The following MYO3B variants were observed in gnomAD, a reference collection of about 807,000 sequenced individuals.
MYO3B encodes the protein myosin-IIIb.
MYO3B carries 156 observed loss-of-function variants against 174.6 expected under a neutral mutation model. The ratio of observed to expected loss-of-function variants is 0.89; its 90% CI spans 0.78 to 1.02. The LOEUF (loss-of-function observed/expected upper bound fraction) is 1.02, where lower values mean the gene tolerates loss of function less well. MYO3B is among the 50% of genes least tolerant of loss of function. The pLI is 0.00. For missense variants in MYO3B, 1,632 were observed against 1,639.4 expected, an observed-to-expected ratio of 1.00 and a Z score of 0.08; for synonymous variants, 563 against 569.1, an observed-to-expected ratio of 0.99 and a Z score of 0.15.
chr2:170,231,882 C>G (rs7597394), intron 6 of MYO3B, among the ~76,000 whole-genome samples: 102,415 of 152,074 alleles, frequency 0.67, 35,005 homozygotes, highest in African/African-American at 0.78. Context: ...TAGAAGGGAT[C>G]GTATAGGTTA....
chr2:170,212,055 C>T (rs2092776063), intron 3 of MYO3B, among the ~76,000 whole-genome samples: 1 of 151,842 alleles, frequency 6.6e-6, no homozygotes, highest in Admixed American at 6.6e-5. Flanking sequence ...ACCAGCCTGA[C>T]CAACATGGAG....
chr2:170,533,958 G>T (rs1344490108), intron 30 of MYO3B, among the ~76,000 whole-genome samples: 1 of 152,182 alleles, frequency 6.6e-6, no homozygotes, highest in Admixed American at 6.5e-5. Flanking sequence ...AAATAAAAAT[G>T]CAAGATACCC....
At chr2:170,503,826 A>G (rs569092774) in intron 28 of MYO3B, among the ~76,000 whole-genome samples, 2 of 152,272 alleles carry the variant, frequency 1.3e-5, no homozygotes, top group South Asian at 4.2e-4. Context: ...TGGCAGCCAG[A>G]GCAAAGGCAG....
At chr2:170,186,792 C>T (rs1239310293) in intron 1 of MYO3B, among the ~76,000 whole-genome samples, 4 of 152,008 alleles carry the variant, frequency 2.6e-5, no homozygotes, top group Non-Finnish European at 5.9e-5. Context: ...TGGCTTTGAT[C>T]TCTTTATTTG....
intron 7 of MYO3B, among the ~76,000 whole-genome samples, chr2:170,246,182 TAC>T (rs1329516848): frequency 6.6e-6 from 1 of 152,186 alleles, no homozygotes; most frequent in Non-Finnish European, 1.5e-5. Flanking sequence ...ATTTTAAAAC[TAC>T]AGAGTCTCCC....
chr2:170,341,863 G>C (rs2093978901), intron 8 of MYO3B, among the ~76,000 whole-genome samples: 1 of 151,816 alleles, frequency 6.6e-6, no homozygotes, highest in African/African-American at 2.4e-5. Flanking sequence ...AACACACCAA[G>C]GGCCTGATTT....
intron 32 of MYO3B, among the ~76,000 whole-genome samples, chr2:170,603,195 A>C (rs1240508901): frequency 6.6e-6 from 1 of 152,226 alleles, no homozygotes; most frequent in Non-Finnish European, 1.5e-5. Context: ...GGGCACTTTA[A>C]GCACCCTCAG....
At chr2:170,377,362 G>C (rs1484010840) in intron 9 of MYO3B, among the ~76,000 whole-genome samples, 1 of 152,144 alleles carries the variant, frequency 6.6e-6, no homozygotes, top group Non-Finnish European at 1.5e-5. Flanking sequence ...TTTGAACAAA[G>C]ACCCCCATCC....
intron 7 of MYO3B, among the ~76,000 whole-genome samples, chr2:170,244,004 A>G (rs918112615): frequency 2.6e-5 from 4 of 152,208 alleles, no homozygotes; most frequent in African/African-American, 4.8e-5. Flanking sequence ...GGAACTGCAC[A>G]TGAGGAAGCA....
chr2:170,584,751 G>A (rs1361608872), intron 32 of MYO3B, among the ~76,000 whole-genome samples: 1 of 152,226 alleles, frequency 6.6e-6, no homozygotes, highest in Non-Finnish European at 1.5e-5. Flanking sequence ...TAAGTTAAAA[G>A]GCAACTTAGA....
chr2:170,650,600 C>T (rs1056869058), intron 32 of MYO3B, among the ~76,000 whole-genome samples: 61 of 150,616 alleles, frequency 4.1e-4, no homozygotes, highest in African/African-American at 1.3e-3. Context: ...CTGCTGAATC[C>T]TGATTCAGAT....
At chr2:170,553,532 G>C in intron 32 of MYO3B, among the ~76,000 whole-genome samples, 1 of 151,554 alleles carries the variant, frequency 6.6e-6, no homozygotes, top group Admixed American at 6.6e-5. Context: ...TACCCCCATT[G>C]TATCTTAGAA....
rs746420004 is a variant in MYO3B, at chr2:170,401,708, G to T, written c.2129+17G>T. 1 of 1,610,166 alleles carries T rather than the reference G, an allele frequency of 6.2e-7. No homozygotes were observed. On this transcript the variant is annotated intron_variant, in intron 18 of 34. Transcript: ENST00000408978. ...AAACATATGGCAAGTTCCTCGGAGA[G>T]CAGAGGGTCTCAGGAGAGCTGTCAT...
intron 7 of MYO3B, among the ~76,000 whole-genome samples, chr2:170,243,835 T>A (rs150221407): frequency 3.3e-5 from 5 of 152,296 alleles, no homozygotes; most frequent in Admixed American, 6.5e-5. Flanking sequence ...TAAGAGAGAA[T>A]GAAGGCTGAT....
At chr2:170,203,762 T>C (rs1452013544) in intron 3 of MYO3B, among the ~76,000 whole-genome samples, 1 of 152,120 alleles carries the variant, frequency 6.6e-6, no homozygotes, top group African/African-American at 2.4e-5. Context: ...CAGAAGTGGT[T>C]AGAAAGTACT....
chr2:170,204,845 G>A (rs561521920), intron 3 of MYO3B, among the ~76,000 whole-genome samples: 115 of 152,224 alleles, frequency 7.6e-4, no homozygotes, highest in Non-Finnish European at 1.4e-3. Flanking sequence ...ATTTTACTTG[G>A]TGCATTTAAA....
intron 29 of MYO3B, among the ~76,000 whole-genome samples, chr2:170,518,970 A>C (rs987385162): frequency 2.6e-5 from 4 of 152,250 alleles, no homozygotes; most frequent in African/African-American, 4.8e-5. Context: ...CAAAATGTGG[A>C]AATAGGTTAC....
intron 32 of MYO3B, among the ~76,000 whole-genome samples, chr2:170,614,958 G>C (rs982652014): frequency 6.6e-6 from 1 of 151,772 alleles, no homozygotes; most frequent in African/African-American, 2.4e-5. Context: ...TCTAGCTTTT[G>C]CCTCCAACAC....
At chr2:170,441,903 T>G (rs1159502148) in intron 22 of MYO3B, among the ~76,000 whole-genome samples, 7 of 152,156 alleles carry the variant, frequency 4.6e-5, no homozygotes, top group Non-Finnish European at 7.3e-5. Context: ...TGATCTGTAT[T>G]TTGTGCCAAC....
Sources: gnomAD v4.1 joint callset for allele counts (sites outside exome capture counted in the v4.1 genomes callset) on GRCh38, gnomAD v4.1.1 for gene constraint, MANE v1.5 for transcripts, NCBI Gene and HGNC (gene_info 2026-07-23, HGNC 2026-07-21) for gene names.